Variants in DOK6 observed in about 807,000 individuals in gnomAD.
The protein encoded by DOK6 is downstream of tyrosine kinase 6.
DOK6 carries 22 observed loss-of-function variants against 44.0 expected under a neutral mutation model. That is an observed-to-expected ratio of 0.50 (90% CI 0.36 to 0.71). DOK6 has a LOEUF of 0.71. DOK6 is among the 30% of genes least tolerant of loss of function. The probability of loss-of-function intolerance (pLI) is 0.00; values close to 1 mark genes in which losing one functional copy is unlikely to be tolerated. For missense variants in DOK6, 340 were observed against 416.4 expected, an observed-to-expected ratio of 0.82 and a Z score of 1.60; for synonymous variants, 166 against 145.5, an observed-to-expected ratio of 1.14 and a Z score of -1.01.
chr18:69,536,309 TTACTC>T (rs753687918), intron 1 of DOK6, among the ~76,000 whole-genome samples: 17 of 152,160 alleles, frequency 1.1e-4, no homozygotes, highest in Non-Finnish European at 2.4e-4. Flanking sequence ...TTCAGATAAT[TTACTC>T]TAGTATGAGT....
chr18:69,804,196 GT>G (rs1255409402), intron 7 of DOK6, among the ~76,000 whole-genome samples: 1 of 152,090 alleles, frequency 6.6e-6, no homozygotes, highest in Middle Eastern at 3.2e-3. Flanking sequence ...AAATATTTAG[GT>G]TCAGATGACT....
At chr18:69,824,390 C>G (rs1282997258) in intron 7 of DOK6, among the ~76,000 whole-genome samples, 1 of 151,944 alleles carries the variant, frequency 6.6e-6, no homozygotes, top group Non-Finnish European at 1.5e-5. Flanking sequence ...GTTGCCCAGG[C>G]TGGAGTGCAG....
chr18:69,435,670 T>C (rs1333061259), intron 1 of DOK6, among the ~76,000 whole-genome samples: 1 of 152,248 alleles, frequency 6.6e-6, no homozygotes, highest in Non-Finnish European at 1.5e-5. Context: ...ATTTTTCACC[T>C]TAATGGAATG....
At chr18:69,698,163 C>T (rs936902948) in intron 4 of DOK6, among the ~76,000 whole-genome samples, 1 of 152,132 alleles carries the variant, frequency 6.6e-6, no homozygotes, top group Non-Finnish European at 1.5e-5. Context: ...TCACCATAGA[C>T]AATACATGCA....
chr18:69,565,689 T>C (rs892928444), intron 2 of DOK6, among the ~76,000 whole-genome samples: 4 of 152,142 alleles, frequency 2.6e-5, no homozygotes, highest in African/African-American at 9.7e-5. Context: ...TTCCATACAT[T>C]GATATAGATT....
intron 7 of DOK6, among the ~76,000 whole-genome samples, chr18:69,800,219 C>T (rs945084518): frequency 5.9e-5 from 9 of 151,888 alleles, no homozygotes; most frequent in African/African-American, 2.2e-4. Flanking sequence ...TTAATATTTT[C>T]CTTTAGATAC....
At position 69,826,030 on chromosome 18, in the gene DOK6, G is replaced by A. The variant is rs117583769; in HGVS notation, c.857-15214G>A. ...GAGGTCAGTGAAGAGTTTTGAGCTG[G>A]TAGCCTGAGTTCCACCATTACTGTC... On this transcript the variant is annotated intron_variant, in intron 7 of 7. Transcript: ENST00000382713. Among the ~76,000 whole-genome samples, 1,272 of 152,228 alleles carry A rather than the reference G, an allele frequency of 8.4e-3. 10 individuals are homozygous for A. Among genetic ancestry groups the A allele is most frequent in the Middle Eastern group, 0.034 (10 of 294 alleles).
At chr18:69,594,695 A>C (rs117495067) in intron 2 of DOK6, among the ~76,000 whole-genome samples, 3,806 of 152,054 alleles carry the variant, frequency 0.025, 74 homozygotes, top group Middle Eastern at 0.044. Flanking sequence ...TATTTTGAAA[A>C]ATGTATATTT....
At chr18:69,573,787 T>C (rs1393263036) in intron 2 of DOK6, among the ~76,000 whole-genome samples, 3 of 151,984 alleles carry the variant, frequency 2.0e-5, no homozygotes. Flanking sequence ...TTCTGTTTCT[T>C]TTTTTCCCTT....
chr18:69,501,054 G>A (rs776483751), intron 1 of DOK6, among the ~76,000 whole-genome samples: 6 of 152,044 alleles, frequency 3.9e-5, no homozygotes, highest in Non-Finnish European at 8.8e-5. Flanking sequence ...AGAAAATGGG[G>A]TACTGAACAA....
chr18:69,827,350 G>A (rs193170891), intron 7 of DOK6, among the ~76,000 whole-genome samples: 110 of 152,140 alleles, frequency 7.2e-4, no homozygotes, highest in South Asian at 1.5e-3. Flanking sequence ...TGACCATTTG[G>A]ACATTGTAGC....
intron 2 of DOK6, among the ~76,000 whole-genome samples, chr18:69,570,202 A>G (rs1398651949): frequency 1.3e-5 from 2 of 152,182 alleles, no homozygotes; most frequent in Non-Finnish European, 2.9e-5. Context: ...TAAAAGTTAA[A>G]CAATATATTT....
intron 3 of DOK6, among the ~76,000 whole-genome samples, chr18:69,674,362 C>G (rs1985873600): frequency 6.6e-6 from 1 of 152,164 alleles, no homozygotes; most frequent in Non-Finnish European, 1.5e-5. Flanking sequence ...GAGCCAAATA[C>G]TAGAAAATCA....
At chr18:69,426,345 G>C (rs1842480711) in intron 1 of DOK6, among the ~76,000 whole-genome samples, 1 of 151,940 alleles carries the variant, frequency 6.6e-6, no homozygotes, top group Non-Finnish European at 1.5e-5. Flanking sequence ...TTATTAACTT[G>C]CATCAAATAC....
intron 3 of DOK6, among the ~76,000 whole-genome samples, chr18:69,624,218 T>C (rs1260292025): frequency 6.6e-6 from 1 of 152,166 alleles, no homozygotes. Flanking sequence ...TTTTAAAACA[T>C]TTCATCATCA....
intron 7 of DOK6, among the ~76,000 whole-genome samples, chr18:69,776,387 T>C (rs957619425): frequency 1.3e-5 from 2 of 152,018 alleles, no homozygotes; most frequent in Non-Finnish European, 2.9e-5. Context: ...CTTTTAAAAT[T>C]AAGAACACGT....
At chr18:69,538,334 T>C (rs1419952987) in intron 1 of DOK6, among the ~76,000 whole-genome samples, 3 of 152,168 alleles carry the variant, frequency 2.0e-5, no homozygotes, top group Non-Finnish European at 4.4e-5. Context: ...AATATTTTTT[T>C]CCAATAAGAA....
chr18:69,733,974 C>T (rs761889112), intron 5 of DOK6, among the ~76,000 whole-genome samples: 5 of 152,054 alleles, frequency 3.3e-5, no homozygotes, highest in Non-Finnish European at 7.4e-5. Flanking sequence ...AAGATATTTT[C>T]ACCGGCAAAT....
At position 69,841,431 on chromosome 18, in the gene DOK6, G is replaced by A. The variant is rs373764392; in HGVS notation, c.*48G>A. 6.5e-5 allele frequency: 105 copies of A among 1,608,094 alleles called. No individual in the cohort carries two copies. The highest frequency in any genetic ancestry group is 9.9e-5 in the South Asian group (9 of 90,814). On this transcript the variant is annotated 3_prime_UTR_variant, in exon 8 of 8. Coordinates refer to ENST00000382713, the MANE Select transcript of DOK6 (RefSeq NM_152721.6). ...TAGAGAGACAGTCTGTCCTGGACCC[G>A]TCTGTGGGGTCATTACCCTCTGCCT... is the stretch of plus-strand genomic sequence containing the variant.
Sources: gnomAD v4.1 joint callset for allele counts (sites outside exome capture counted in the v4.1 genomes callset) on GRCh38, gnomAD v4.1.1 for gene constraint, MANE v1.5 for transcripts, NCBI Gene and HGNC (gene_info 2026-07-23, HGNC 2026-07-21) for gene names.